Variants in RDM1 observed in about 807,000 individuals in gnomAD.
The protein encoded by RDM1 is RAD52 motif containing 1.
A neutral mutation model predicts 27.7 loss-of-function variants in RDM1; 28 were observed. The ratio of observed to expected loss-of-function variants is 1.01; its 90% CI spans 0.75 to 1.39. RDM1 has a LOEUF of 1.39. RDM1 is among the 40% of genes most tolerant of loss of function. The probability of loss-of-function intolerance (pLI) is 0.00; values close to 1 mark genes in which losing one functional copy is unlikely to be tolerated. For missense variants in RDM1, 277 were observed against 337.3 expected (o/e 0.82, Z 1.40); for synonymous variants, 124 against 127.5 (o/e 0.97, Z 0.19).
In RDM1 at chr17:35,930,633, T is replaced by C. The variant is rs2280786; in HGVS notation, c.95A>G (p.His32Arg). Residue 32 changes from histidine to arginine, a missense_variant and splice_region_variant, in exon 1 of 7, where the codon CAT becomes CGT. By Grantham distance (29) the His-to-Arg change is conservative. Coordinates refer to ENST00000620284, the MANE Select transcript of RDM1 (RefSeq NM_145654.4). ...LSSGPTAEAL[H>R]HSLFTAFSQF... ...CCCTCCATCCTGGCCCCGGCTCACA[T>C]GCAAAGCCTCGGCCGTGGGTCCGGA... 42,874 of 1,612,672 alleles carry C rather than the reference T, an allele frequency of 0.027. 879 individuals carry two copies. Among genetic ancestry groups the C allele is most frequent in the East Asian group, 0.13 (5,841 of 44,810 alleles).
rs1240730833 is a variant in RDM1, at chr17:35,930,173, C to A, written c.179G>T (p.Gly60Val). Residue 60 changes from glycine (G) to valine (V), a missense_variant, in exon 2 of 7, where the codon GGT becomes GTT. Gly to Val is a moderately radical substitution (Grantham distance 109). Coordinates refer to ENST00000620284, the MANE Select transcript of RDM1 (RefSeq NM_145654.4). ...VFPNAAVAHP[G>V]FYAVIKFYSA... ...ATAAAACTTAATGACGGCATAGAAA[C>A]CAGGATGGGCCACTGCAGCATTTGG... 1.2e-6 allele frequency: 2 copies of A among 1,614,154 alleles called. No individual in the cohort carries two copies. Among genetic ancestry groups the A allele is most frequent in the Non-Finnish European group, 1.7e-6 (2 of 1,180,022 alleles).
chr17:35,930,707 A>C lies in RDM1; in HGVS notation c.21T>G (p.Phe7Leu). The change falls in exon 1 of 7, where the codon TTT becomes TTG. Residue 7 changes from phenylalanine to leucine, a missense_variant. Physicochemically the swap from Phe to Leu is conservative, Grantham distance 22 (BLOSUM62 0). Transcript: ENST00000620284. ...TTTTGTCACTCTCGATGGGAACCGC[A>C]AAAGGTACCAACTCCGCCATCCTCC... is the stretch of plus-strand genomic sequence containing the variant. MAELVP[F>L]AVPIESDKTL... 6.2e-6 allele frequency: 10 copies of C among 1,613,676 alleles called. No individual in the cohort carries two copies. Among genetic ancestry groups the C allele is most frequent in the Non-Finnish European group, 8.5e-6 (10 of 1,179,904 alleles).
At position 35,930,745 on chromosome 17, in the gene RDM1, T is replaced by TGC. The variant is rs1568411861; in HGVS notation, c.-20_-19dup. On this transcript the variant is annotated 5_prime_UTR_variant, in exon 1 of 7. It removes the in-frame stop codon of an upstream open reading frame in the 5' UTR. Transcript: ENST00000620284. ...TCCGCCATCCTCCCTTCACCGCACC[T>TGC]GCGCGGCTAACCCTCGCCCCAGCAT... 6.2e-7 allele frequency: 1 copy of TGC among 1,610,804 alleles called. No homozygotes were observed. Among genetic ancestry groups the TGC allele is most frequent in the East Asian group, 2.2e-5 (1 of 44,776 alleles).
intron 5 of RDM1, among the ~76,000 whole-genome samples, 186 bp from the exon 6 acceptor site, chr17:35,920,458 T>C (rs1161500565): frequency 1.4e-5 from 2 of 143,546 alleles, no homozygotes; most frequent in African/African-American, 2.6e-5. Context: ...CTTTCTTTCT[T>C]TTTTTTTTTT....
Position 35,918,375 on chromosome 17 carries a change from C to T in RDM1, c.822G>A (p.Glu274=). The T allele has an allele frequency of 6.2e-7, 1 of 1,614,058 alleles. No individual in the cohort carries two copies. Among genetic ancestry groups the T allele is most frequent in the Non-Finnish European group, 8.5e-7 (1 of 1,180,028 alleles). The change falls in exon 7 of 7, where the codon GAG becomes GAA. Residue 274 remains glutamate, a synonymous_variant. Transcript: ENST00000620284. ...EEGYLSDFSL[E]EEEFRLPELD ...GTTCTGGCAGCCTGAACTCTTCCTC[C>T]TCCAAGCTGAAATCCGAGAGATACC...
At chr17:35,925,696 T>C (rs1467658138) in intron 2 of RDM1, 59 bp from the exon 3 acceptor site, 1 of 1,557,044 alleles carries the variant, frequency 6.4e-7, no homozygotes, top group African/African-American at 1.4e-5. Context: ...TTATTTTGGA[T>C]AGATCTGAGA....
In RDM1 at chr17:35,918,250, A is replaced by G; in HGVS notation, c.*92T>C. 9.1e-7 allele frequency: 1 copy of G among 1,095,206 alleles called. No homozygotes were observed. The highest frequency in any genetic ancestry group is 1.3e-5 in the South Asian group (1 of 75,710). The allele number at this position is 1,095,206 out of a possible 1,614,324, so 67.8% of individuals were successfully genotyped here. A position where few individuals can be genotyped will look rare whatever the true frequency, so the allele number is the denominator to read the frequency against. The stretch of plus-strand genomic sequence containing the variant: ...CCGACCCAGGTGGTTCCAGGACTCC[A>G]GCAGCCTATAGTGGTGGGGCGGCGT... On this transcript the variant is annotated 3_prime_UTR_variant, in exon 7 of 7. Transcript: ENST00000620284.
chr17:35,925,962 G>A lies in RDM1; in HGVS notation c.277-325C>T, dbSNP rs535340735. Among the ~76,000 whole-genome samples, 4 of 152,070 alleles carry A rather than the reference G, an allele frequency of 2.6e-5. 1 individual carries two copies. The South Asian group carries it at 8.3e-4, about 32-fold the overall frequency. ...ATCCTGGCTAACATAGTGAAACCCC[G>A]TCTCTACGAAAAATACTAAAAATTA... On this transcript the variant is annotated intron_variant, in intron 2 of 6. Transcript: ENST00000620284.
intron 6 of RDM1, among the ~76,000 whole-genome samples, chr17:35,918,959 A>G (rs1435948849): frequency 1.3e-5 from 2 of 152,230 alleles, no homozygotes; most frequent in East Asian, 1.9e-4. Context: ...TGGTTTTACA[A>G]TGGAAGGGAT....
At chr17:35,925,728 A>G in intron 2 of RDM1, 91 bp from the exon 3 acceptor site, 1 of 1,436,398 alleles carries the variant, frequency 7.0e-7, no homozygotes, top group Non-Finnish European at 9.5e-7. Context: ...CAAGTGTGCA[A>G]TGAAAAATTG....
At chr17:35,926,544 C>T (rs1457283160) in intron 2 of RDM1, among the ~76,000 whole-genome samples, 1 of 151,752 alleles carries the variant, frequency 6.6e-6, no homozygotes, top group Non-Finnish European at 1.5e-5. Flanking sequence ...GTTGGGACTA[C>T]AGGCACCTGC....
At chr17:35,919,679 A>G (rs1328093402) in intron 6 of RDM1, among the ~76,000 whole-genome samples, 2 of 152,220 alleles carry the variant, frequency 1.3e-5, no homozygotes, top group Non-Finnish European at 2.9e-5. Flanking sequence ...TGTTGACCGA[A>G]ACATCATTTT....
intron 2 of RDM1, among the ~76,000 whole-genome samples, chr17:35,926,058 T>G (rs962398966): frequency 2.0e-5 from 3 of 150,706 alleles, no homozygotes; most frequent in Non-Finnish European, 4.4e-5. Context: ...CGCTTGAACC[T>G]GGGAGGCAGA....
At position 35,918,362 on chromosome 17, in the gene RDM1, T is replaced by A. The variant is rs370063790; in HGVS notation, c.835A>T (p.Arg279Trp). The change falls in exon 7 of 7, where the codon AGG (arginine) becomes TGG (tryptophan). Residue 279 changes from arginine (R) to tryptophan (W), a missense_variant. Physicochemically the swap from Arg to Trp is moderately radical, Grantham distance 101. Coordinates refer to ENST00000620284, the MANE Select transcript of RDM1 (RefSeq NM_145654.4). ...SDFSLEEEEF[R>W]LPELD ...AAATGCTAGTCAAGTTCTGGCAGCC[T>A]GAACTCTTCCTCCTCCAAGCTGAAA... The A allele has an allele frequency of 1.2e-6, 2 of 1,613,834 alleles. No homozygotes were observed. Among genetic ancestry groups the A allele is most frequent in the Non-Finnish European group, 1.7e-6 (2 of 1,179,926 alleles).
chr17:35,930,409 T>C lies in RDM1; in HGVS notation c.97-154A>G, dbSNP rs985101905. On this transcript the variant is annotated intron_variant, in intron 1 of 6. Transcript: ENST00000620284. ...GTTTTCCTCTTAAAATCCTAAACTT[T>C]AAGAAGCACTGGAAGGTAAAACGTT... The C allele has an allele frequency of 1.0e-4, 108 of 1,081,964 alleles. No individual in the cohort carries two copies. The Middle Eastern group carries it at 1.5e-3, about 15-fold the overall frequency. 67.0% of individuals were successfully genotyped at this position (1,081,964 alleles called of 1,614,324 possible).
intron 4 of RDM1, among the ~76,000 whole-genome samples, chr17:35,923,033 G>A (rs2089002677): frequency 6.6e-6 from 1 of 152,232 alleles, no homozygotes; most frequent in Non-Finnish European, 1.5e-5. Context: ...AGGTTTGGTT[G>A]GCTGGACCTG....
At chr17:35,928,653 T>C (rs557413053) in intron 2 of RDM1, among the ~76,000 whole-genome samples, 1 of 151,828 alleles carries the variant, frequency 6.6e-6, no homozygotes, top group Non-Finnish European at 1.5e-5. Flanking sequence ...TCCCTGCTAC[T>C]TGGGAGGCTG....
chr17:35,922,417 A>G (rs1482969304), intron 5 of RDM1, 160 bp downstream of exon 5: 1 of 905,220 alleles, frequency 1.1e-6, no homozygotes, highest in Non-Finnish European at 1.6e-6. Context: ...CAAATGTCAC[A>G]CAGAACAAAT....
At chr17:35,921,659 CAT>C (rs2088948567) in intron 5 of RDM1, among the ~76,000 whole-genome samples, 1 of 152,180 alleles carries the variant, frequency 6.6e-6, no homozygotes, top group Non-Finnish European at 1.5e-5. Context: ...ATTCAGGAAA[CAT>C]AATCTAATAA....
Sources: gnomAD v4.1 joint callset for allele counts (sites outside exome capture counted in the v4.1 genomes callset) on GRCh38, gnomAD v4.1.1 for gene constraint, MANE v1.5 for transcripts, NCBI Gene and HGNC (gene_info 2026-07-23, HGNC 2026-07-21) for gene names.